The following AP2M1 variants were observed in gnomAD, a reference collection of about 807,000 sequenced individuals.
AP2M1 encodes the protein AP-2 complex subunit mu.
AP2M1 carries 5 observed loss-of-function variants against 54.5 expected under a neutral mutation model. That is an observed-to-expected ratio of 0.09 (90% confidence interval 0.05 to 0.19). The LOEUF (loss-of-function observed/expected upper bound fraction) is 0.19, where lower values mean the gene tolerates loss of function less well. Ranked by LOEUF, AP2M1 falls within the 10% of genes least tolerant of loss-of-function variation. The probability of loss-of-function intolerance (pLI) is 1.00; values close to 1 mark genes in which losing one functional copy is unlikely to be tolerated. For synonymous variants in AP2M1, 186 were observed against 208.2 expected, an observed-to-expected ratio of 0.89 and a Z score of 0.92; for missense variants, 178 against 580.2, an observed-to-expected ratio of 0.31 and a Z score of 7.12.
intron 1 of AP2M1, among the ~76,000 whole-genome samples, chr3:184,176,197 CTTATTT>C (rs1715068503): frequency 6.6e-6 from 1 of 152,118 alleles, no homozygotes; most frequent in Non-Finnish European, 1.5e-5. Flanking sequence ...CCCCCCAGTC[CTTATTT>C]TTATTGCATT....
At position 184,180,992 on chromosome 3, in the gene AP2M1, C is replaced by T. The variant is rs867722502; in HGVS notation, c.565+8C>T. 2 of 1,614,088 alleles carry T rather than the reference C, an allele frequency of 1.2e-6. No homozygotes were observed. The highest frequency in any genetic ancestry group is 1.7e-6 in the Non-Finnish European group (2 of 1,180,006). ...TGCTCATGTCCCCACAAGGTGAGGT[C>T]CCTCTCACGACAAAGTTGGAGGGGG... On this transcript the variant is annotated splice_region_variant and intron_variant, in intron 6 of 11. Transcript: ENST00000292807. This position sits in a 1 kb window ranked among gnomAD's most constrained non-coding sequence, Gnocchi z 4.9.
rs1340280100 is a variant in AP2M1, at chr3:184,182,833, A to C, written c.1138A>C (p.Lys380Gln). 4 of 1,614,040 alleles carry C rather than the reference A, an allele frequency of 2.5e-6. No homozygotes were observed. The African/African-American group carries it at 5.3e-5, about 22-fold the overall frequency. ...GCTTCTGCCTACCAACGACAAGAAG[A>C]AATGGGCTCGACCCCCCATTTCCAT... ...IELLPTNDKK[K>Q]WARPPISMNF... The change falls in exon 11 of 12, where the codon AAA becomes CAA. Residue 380 changes from lysine (K) to glutamine (Q), a missense_variant. Transcript: ENST00000292807. This position sits in a 1 kb window ranked among gnomAD's most constrained non-coding sequence, Gnocchi z 5.5.
intron 3 of AP2M1, among the ~76,000 whole-genome samples, chr3:184,179,905 C>G (rs983385654): frequency 3.9e-5 from 6 of 152,192 alleles, no homozygotes; most frequent in African/African-American, 1.4e-4. Flanking sequence ...AAGTGATTCT[C>G]CCACCTTGGC....
Position 184,181,152 on chromosome 3 carries a change from A to G in AP2M1, c.633A>G (p.Glu211=), listed in dbSNP as rs771638927. Residue 211 remains glutamate, a synonymous_variant, in exon 7 of 12, where the codon GAA becomes GAG. Coordinates refer to ENST00000292807, the MANE Select transcript of AP2M1 (RefSeq NM_004068.4). This position sits in a 1 kb window ranked among gnomAD's most constrained non-coding sequence, Gnocchi z 5.7. ...AGAGCTACCTGAGTGGCATGCCTGA[A>G]TGCAAGTTTGGGATGAATGACAAGA... The part of the protein sequence containing the change: ...VMKSYLSGMP[E]CKFGMNDKIV... The G allele has an allele frequency of 9.3e-6, 15 of 1,614,060 alleles. No individual in the cohort carries two copies. The highest frequency in any genetic ancestry group is 1.7e-5 in the Admixed American group (1 of 60,000).
In AP2M1 at chr3:184,183,830, C is replaced by G; in HGVS notation, c.*214C>G. ...GGGCAGGGGAGTTCTGAGGCTCCTG[C>G]TCTCCCATCCACCTGTCTGTCCTGG... On this transcript the variant is annotated 3_prime_UTR_variant, in exon 12 of 12. Transcript: ENST00000292807. The surrounding 1 kb of genome is among the most constrained non-coding windows in gnomAD (Gnocchi z 5.7). 1.8e-6 allele frequency: 1 copy of G among 550,146 alleles called. No homozygotes were observed. The highest frequency in any genetic ancestry group is 3.2e-6 in the Non-Finnish European group (1 of 308,594). The allele number at this position is 550,146 out of a possible 1,614,324, so 34.1% of individuals were successfully genotyped here.
intron 2 of AP2M1, chr3:184,177,702 C>G: frequency 1.7e-6 from 2 of 1,199,872 alleles, no homozygotes; most frequent in Non-Finnish European, 2.4e-6. Flanking sequence ...TGGGCCTTCA[C>G]ACAGAGCCAC....
At position 184,182,730 on chromosome 3, in the gene AP2M1, G is replaced by T. The variant is rs1271828544; in HGVS notation, c.1062-27G>T. 1 of 1,604,704 alleles carries T rather than the reference G, an allele frequency of 6.2e-7. No individual in the cohort carries two copies. Among genetic ancestry groups the T allele is most frequent in the Non-Finnish European group, 8.5e-7 (1 of 1,172,184 alleles). On this transcript the variant is annotated intron_variant, in intron 10 of 11. Transcript: ENST00000292807. The surrounding 1 kb of genome is among the most constrained non-coding windows in gnomAD (Gnocchi z 5.5). ...CTTGAAACTCCTCCAAGCCCCAATGGGCTGCCCATTGTCCCTGTGTTCCCA... is the reference window on the plus strand; with the variant it reads ...CTTGAAACTCCTCCAAGCCCCAATGTGCTGCCCATTGTCCCTGTGTTCCCA...
Position 184,183,909 on chromosome 3 carries a change from T to G in AP2M1, c.*293T>G. 2.9e-6 allele frequency: 1 copy of G among 348,934 alleles called. No individual in the cohort carries two copies. The allele number at this position is 348,934 out of a possible 1,614,324, so 21.6% of individuals were successfully genotyped here. A position where few individuals can be genotyped will look rare whatever the true frequency, so the allele number is the denominator to read the frequency against. On this transcript the variant is annotated 3_prime_UTR_variant, in exon 12 of 12. Transcript: ENST00000292807. The surrounding 1 kb of genome is among the most constrained non-coding windows in gnomAD (Gnocchi z 5.7). ...CAAAGCCAGGTGGGTTCCCTTTCCT[T>G]CCCACCCCTGTGGCCACAGCTCTGG...
At chr3:184,177,945 T>C (rs1577057909) in intron 2 of AP2M1, 2 of 603,744 alleles carry the variant, frequency 3.3e-6, no homozygotes, top group Non-Finnish European at 5.9e-6. Flanking sequence ...CATTGGCTGG[T>C]GGTGTGGCAT....
In AP2M1 at chr3:184,179,440, T is replaced by G. The variant is rs964407956; in HGVS notation, c.340+318T>G. On this transcript the variant is annotated intron_variant, in intron 3 of 11. Coordinates refer to ENST00000292807, the MANE Select transcript of AP2M1 (RefSeq NM_004068.4). ...GTGGCTTGGACCTTAGTTCACTAACTGTCCACCCAGTTTTCCATCTCAGCA... is the reference window on the plus strand; with the variant it reads ...GTGGCTTGGACCTTAGTTCACTAACGGTCCACCCAGTTTTCCATCTCAGCA... 1.5e-5 allele frequency: 5 copies of G among 335,894 alleles called. No individual in the cohort carries two copies. In the Admixed American group the frequency reaches 2.3e-4, roughly 15 times the overall value. 20.8% of individuals were successfully genotyped at this position (335,894 alleles called of 1,614,324 possible).
Position 184,183,467 on chromosome 3 carries a change from G to T in AP2M1, c.1174-15G>T. 2 of 1,613,990 alleles carry T rather than the reference G, an allele frequency of 1.2e-6. No homozygotes were observed. Among genetic ancestry groups the T allele is most frequent in the East Asian group, 4.5e-5 (2 of 44,884 alleles). On this transcript the variant is annotated splice_polypyrimidine_tract_variant and intron_variant, in intron 11 of 11. Transcript: ENST00000292807. This position sits in a 1 kb window ranked among gnomAD's most constrained non-coding sequence, Gnocchi z 5.7. The stretch of plus-strand genomic sequence containing the variant: ...AAGAGGAAGGCCACATTTCTAACTA[G>T]CTCTCCTTGCCCAGGTGCCATTCGC...
chr3:184,177,901 T>C (rs959703406), intron 2 of AP2M1: 1 of 595,682 alleles, frequency 1.7e-6, no homozygotes, highest in Non-Finnish European at 3.0e-6. Context: ...GCTCCCTGGC[T>C]GATGGGCTGG....
intron 1 of AP2M1, among the ~76,000 whole-genome samples, chr3:184,175,432 C>T (rs1366663286): frequency 6.6e-6 from 1 of 152,118 alleles, no homozygotes; most frequent in Non-Finnish European, 1.5e-5. Flanking sequence ...GCCCCCGCAC[C>T]CCCATGGCAC....
At position 184,180,545 on chromosome 3, in the gene AP2M1, T is replaced by A. The variant is rs1041302133; in HGVS notation, c.424-100T>A. On this transcript the variant is annotated intron_variant, in intron 4 of 11. Coordinates refer to ENST00000292807, the MANE Select transcript of AP2M1 (RefSeq NM_004068.4). This position sits in a 1 kb window ranked among gnomAD's most constrained non-coding sequence, Gnocchi z 4.9. ...TGGTATTCCTCAGGAGGAGCGAGCTTGGGCCCTCTCCTCTAGGATCCAAGC... is the reference window on the plus strand; with the variant it reads ...TGGTATTCCTCAGGAGGAGCGAGCTAGGGCCCTCTCCTCTAGGATCCAAGC... 8 of 1,580,154 alleles carry A rather than the reference T, an allele frequency of 5.1e-6. No individual in the cohort carries two copies. Among genetic ancestry groups the A allele is most frequent in the Middle Eastern group, 2.3e-4 (1 of 4,318 alleles).
intron 1 of AP2M1, among the ~76,000 whole-genome samples, chr3:184,175,679 G>T (rs548848462): frequency 6.6e-6 from 1 of 152,254 alleles, no homozygotes; most frequent in South Asian, 2.1e-4. Flanking sequence ...ACGCTGCCTG[G>T]CTTTCACTGA....
intron 2 of AP2M1, chr3:184,177,447 C>G (rs1715110712): frequency 8.3e-7 from 1 of 1,202,304 alleles, no homozygotes; most frequent in Non-Finnish European, 1.2e-6. Flanking sequence ...CCATCTAAGC[C>G]TTGCTCTCAG....
In AP2M1 at chr3:184,180,394, C is replaced by T; in HGVS notation, c.423+143C>T. On this transcript the variant is annotated intron_variant, in intron 4 of 11. Coordinates refer to ENST00000292807, the MANE Select transcript of AP2M1 (RefSeq NM_004068.4). This position sits in a 1 kb window ranked among gnomAD's most constrained non-coding sequence, Gnocchi z 4.9. Reference sequence around the variant, plus strand: ...TGAGCCTCCTGCCATGATTGCAGGCCGATTTTGCTCTGTGTGGTCCTCCCA... The same window carrying T: ...TGAGCCTCCTGCCATGATTGCAGGCTGATTTTGCTCTGTGTGGTCCTCCCA... 15 of 1,151,844 alleles carry T rather than the reference C, an allele frequency of 1.3e-5. No homozygotes were observed. The South Asian group carries it at 1.6e-4, about 12-fold the overall frequency. 71.4% of individuals were successfully genotyped at this position (1,151,844 alleles called of 1,614,324 possible). A position where few individuals can be genotyped will look rare whatever the true frequency, so the allele number is the denominator to read the frequency against.
chr3:184,178,866 A>G lies in AP2M1; in HGVS notation c.84A>G (p.Ala28=), dbSNP rs1346365411. ...CACTCTTTTCCCTCAGGAGGAACGC[A>G]GTGGATGCCTTTCGGGTCAATGTTA... is the stretch of plus-strand genomic sequence containing the variant. ...RVYRDDIGRN[A]VDAFRVNVIH... is the part of the protein sequence containing the mutation. The change falls in exon 3 of 12, where the codon GCA becomes GCG. Residue 28 remains alanine (A), a synonymous_variant. Coordinates refer to ENST00000292807, the MANE Select transcript of AP2M1 (RefSeq NM_004068.4). The surrounding 1 kb of genome is among the most constrained non-coding windows in gnomAD (Gnocchi z 4.9). 8 of 1,614,016 alleles carry G rather than the reference A, an allele frequency of 5.0e-6. No homozygotes were observed.
In AP2M1 at chr3:184,183,089, A is replaced by G. The variant is rs1366000521; in HGVS notation, c.1173+221A>G. On this transcript the variant is annotated intron_variant, in intron 11 of 11. Coordinates refer to ENST00000292807, the MANE Select transcript of AP2M1 (RefSeq NM_004068.4). This position sits in a 1 kb window ranked among gnomAD's most constrained non-coding sequence, Gnocchi z 5.7. ...TACTTCTCTCGGCTTGTCCTAACAC[A>G]GTTCTTTCAAAAAACTTAGATTGTT... 1 of 592,546 alleles carries G rather than the reference A, an allele frequency of 1.7e-6. No individual in the cohort carries two copies. The highest frequency in any genetic ancestry group is 3.0e-6 in the Non-Finnish European group (1 of 331,382). 36.7% of individuals were successfully genotyped at this position (592,546 alleles called of 1,614,324 possible).
Sources: allele counts gnomAD v4.1 joint callset (sites outside exome capture counted in the v4.1 genomes callset), GRCh38; gene constraint gnomAD v4.1.1; non-coding constraint Gnocchi (gnomAD v3.1); transcripts MANE v1.5; gene names NCBI Gene and HGNC (gene_info 2026-07-23, HGNC 2026-07-21).